Variants in ENTHD1 observed in about 807,000 individuals in gnomAD.
ENTHD1 encodes the protein ENTH domain-containing protein 1.
In ENTHD1, 23 loss-of-function variants were observed where a neutral mutation model predicts 39.1. The ratio of observed to expected loss-of-function variants is 0.59; its 90% confidence interval spans 0.42 to 0.83. The LOEUF is 0.83. Among genes scored for constraint, ENTHD1 ranks in the 40% least tolerant of loss-of-function variants. The pLI is 0.00. For synonymous variants in ENTHD1, 230 were observed against 258.2 expected (o/e 0.89, Z 1.05); for missense variants, 624 against 705.4 (o/e 0.88, Z 1.31).
At chr22:39,759,094 C>T (rs2065209153) in intron 6 of ENTHD1, among the ~76,000 whole-genome samples, 1 of 152,078 alleles carries the variant, frequency 6.6e-6, no homozygotes, top group South Asian at 2.1e-4. Context: ...ATGTCTTTGT[C>T]AGATTTTGGC....
intron 5 of ENTHD1, among the ~76,000 whole-genome samples, chr22:39,792,893 C>T (rs1388757637): frequency 1.3e-5 from 2 of 152,028 alleles, no homozygotes; most frequent in Non-Finnish European, 2.9e-5. Context: ...TCAGTAAACA[C>T]GGGGGTGCAG....
Position 39,743,892 on chromosome 22 carries a change from G to A in ENTHD1, c.1611C>T (p.Asp537=). 6.2e-7 allele frequency: 1 copy of A among 1,614,160 alleles called. No homozygotes were observed. The change falls in exon 7 of 7, where the codon GAC becomes GAT. Residue 537 remains aspartate (D), a synonymous_variant. Transcript: ENST00000325157. ...TCTTTGCTTCAGGTTCCTGGGGGAAGTCTTTGGTTGACTGAAAACCAGAAC... is the reference window on the plus strand; with the variant it reads ...TCTTTGCTTCAGGTTCCTGGGGGAAATCTTTGGTTGACTGAAAACCAGAAC... ...LSCSGFQSTK[D]FPQEPEAKNS... is the part of the protein sequence containing the mutation.
At chr22:39,863,851 C>T (rs540682293) in intron 2 of ENTHD1, among the ~76,000 whole-genome samples, 41 of 152,276 alleles carry the variant, frequency 2.7e-4, no homozygotes, top group Admixed American at 1.8e-3. Context: ...TCTCTCACTG[C>T]GGGTCACTTC....
chr22:39,757,094 G>C (rs757545267), intron 6 of ENTHD1, among the ~76,000 whole-genome samples: 2 of 151,574 alleles, frequency 1.3e-5, no homozygotes, highest in Admixed American at 1.3e-4. Context: ...ACAATACTGA[G>C]TCTTCCAATC....
intron 2 of ENTHD1, among the ~76,000 whole-genome samples, chr22:39,864,419 C>T (rs1410182997): frequency 6.6e-6 from 1 of 152,182 alleles, no homozygotes; most frequent in Non-Finnish European, 1.5e-5. Flanking sequence ...CCTACCCTTT[C>T]TAAAATAGCC....
intron 6 of ENTHD1, among the ~76,000 whole-genome samples, chr22:39,763,908 A>G (rs2065254891): frequency 6.6e-6 from 1 of 152,136 alleles, no homozygotes; most frequent in African/African-American, 2.4e-5. Flanking sequence ...CACATAATCC[A>G]TCAGAGCCAT....
At chr22:39,825,441 G>A (rs1219430441) in intron 4 of ENTHD1, among the ~76,000 whole-genome samples, 1 of 152,018 alleles carries the variant, frequency 6.6e-6, no homozygotes, top group East Asian at 1.9e-4. Flanking sequence ...TTGGGATCAG[G>A]GTAATACTTG....
intron 3 of ENTHD1, among the ~76,000 whole-genome samples, chr22:39,840,657 A>G (rs2065936671): frequency 1.3e-5 from 2 of 152,248 alleles, no homozygotes; most frequent in African/African-American, 2.4e-5. Flanking sequence ...GTAAGATCTA[A>G]AAGTCAAGTC....
intron 2 of ENTHD1, among the ~76,000 whole-genome samples, chr22:39,863,025 G>A (rs763583824): frequency 1.4e-4 from 22 of 152,144 alleles, no homozygotes; most frequent in Non-Finnish European, 2.4e-4. Flanking sequence ...CAGCATCAAG[G>A]CGCCATCTTG....
intron 1 of ENTHD1, among the ~76,000 whole-genome samples, chr22:39,888,533 T>C (rs751571653): frequency 2.0e-5 from 3 of 152,096 alleles, no homozygotes; most frequent in African/African-American, 2.4e-5. Flanking sequence ...GTTCAAGCGA[T>C]TATCCTGCCT....
At chr22:39,755,345 G>A (rs551120953) in intron 6 of ENTHD1, among the ~76,000 whole-genome samples, 2 of 152,102 alleles carry the variant, frequency 1.3e-5, no homozygotes, top group African/African-American at 2.4e-5. Flanking sequence ...GGGGTGGGCC[G>A]GGAGTGTTCT....
intron 2 of ENTHD1, among the ~76,000 whole-genome samples, chr22:39,864,079 G>A (rs1048737460): frequency 6.6e-5 from 10 of 152,146 alleles, no homozygotes; most frequent in Admixed American, 4.6e-4. Context: ...ATTCAGTGTC[G>A]TGTGATAAAC....
At chr22:39,780,591 C>T (rs928961313) in intron 5 of ENTHD1, among the ~76,000 whole-genome samples, 4 of 152,138 alleles carry the variant, frequency 2.6e-5, no homozygotes, top group Non-Finnish European at 5.9e-5. Flanking sequence ...TCAGATAAAA[C>T]AGACTACAAA....
chr22:39,794,598 C>T (rs1183202139), intron 5 of ENTHD1, among the ~76,000 whole-genome samples: 6 of 151,858 alleles, frequency 4.0e-5, no homozygotes, highest in Admixed American at 2.0e-4. Context: ...GTCAGGAAAT[C>T]GAGACCATCC....
At chr22:39,856,877 G>A (rs1279026445) in intron 3 of ENTHD1, among the ~76,000 whole-genome samples, 51 of 147,034 alleles carry the variant, frequency 3.5e-4, no homozygotes, top group Non-Finnish European at 4.4e-4. Context: ...AAGAAAGAAA[G>A]AAAAGGAAAA....
At chr22:39,773,937 C>A (rs1158610082) in intron 5 of ENTHD1, among the ~76,000 whole-genome samples, 1 of 152,120 alleles carries the variant, frequency 6.6e-6, no homozygotes, top group Non-Finnish European at 1.5e-5. Context: ...GTAAAGGGAA[C>A]AATTTCAGCA....
At position 39,821,013 on chromosome 22, in the gene ENTHD1, ACTT is replaced by A. The variant is rs757583484; in HGVS notation, c.809_811del (p.Glu270del). The A allele has an allele frequency of 2.2e-4, 348 of 1,614,044 alleles. No homozygotes were observed. The highest frequency in any genetic ancestry group is 2.7e-4 in the Non-Finnish European group (318 of 1,179,966). ...TTTACCTGCACCCGAAAGATTACAA[ACTT>A]CTTCTGCTTCTGACAAGCAAGTGAT... is the stretch of plus-strand genomic sequence containing the variant. On this transcript the variant is annotated inframe_deletion, in exon 5 of 7. Coordinates refer to ENST00000325157, the MANE Select transcript of ENTHD1 (RefSeq NM_152512.4).
chr22:39,807,890 T>TAC (rs2146627558), intron 5 of ENTHD1, among the ~76,000 whole-genome samples: 1 of 142,142 alleles, frequency 7.0e-6, no homozygotes, highest in East Asian at 2.0e-4. Flanking sequence ...TATACGTACG[T>TAC]GTGTGTGTGT....
chr22:39,805,488 TGTGCTAAGCAGGGCA>T (rs1230839696), intron 5 of ENTHD1, among the ~76,000 whole-genome samples: 1 of 152,214 alleles, frequency 6.6e-6, no homozygotes, highest in Non-Finnish European at 1.5e-5. Flanking sequence ...ATGGCTTAAC[TGTGCTAAGCAGGGCA>T]GTGCTGCTAA....
Sources: gnomAD v4.1 joint callset for allele counts (sites outside exome capture counted in the v4.1 genomes callset) on GRCh38, gnomAD v4.1.1 for gene constraint, MANE v1.5 for transcripts, NCBI Gene and HGNC (gene_info 2026-07-23, HGNC 2026-07-21) for gene names.